Variants in NFAT5 observed in about 807,000 individuals in gnomAD.
NFAT5 encodes the protein nuclear factor of activated T-cells 5.
A neutral mutation model predicts 166.5 loss-of-function variants in NFAT5; 31 were observed. The ratio of observed to expected loss-of-function variants is 0.19; its 90% CI spans 0.14 to 0.25. The LOEUF (loss-of-function observed/expected upper bound fraction) is 0.25. NFAT5 is among the 10% of genes least tolerant of loss of function. The probability of loss-of-function intolerance (pLI) is 1.00; values close to 1 mark genes in which losing one functional copy is unlikely to be tolerated. For missense variants in NFAT5, 1,449 were observed against 1,821.8 expected (o/e 0.80, Z 3.72); for synonymous variants, 612 against 639.7 (o/e 0.96, Z 0.65).
At chr16:69,653,212 C>G (rs755027270) in intron 4 of NFAT5, 24 bp from the exon 5 acceptor site, 3 of 1,488,466 alleles carry the variant, frequency 2.0e-6, no homozygotes, top group Non-Finnish European at 2.7e-6. Context: ...GATACTTTCT[C>G]CATGTTGTGC....
chr16:69,583,824 T>C (rs2031858411), intron 2 of NFAT5, among the ~76,000 whole-genome samples: 1 of 152,176 alleles, frequency 6.6e-6, no homozygotes, highest in African/African-American at 2.4e-5. Context: ...GGAAGGGTTT[T>C]GGAAGTTTGA....
chr16:69,638,906 T>C (rs2035087380), intron 3 of NFAT5, among the ~76,000 whole-genome samples: 1 of 152,194 alleles, frequency 6.6e-6, no homozygotes. Context: ...ACTCTGTTTT[T>C]ATCTTAAAGT....
At chr16:69,624,526 A>C (rs534224820) in intron 2 of NFAT5, among the ~76,000 whole-genome samples, 1 of 152,174 alleles carries the variant, frequency 6.6e-6, no homozygotes, top group Non-Finnish European at 1.5e-5. Context: ...ATTTTTCAAA[A>C]GAAACTTTTA....
At chr16:69,570,960 C>T (rs11641871) in intron 2 of NFAT5, among the ~76,000 whole-genome samples, 80 of 151,992 alleles carry the variant, frequency 5.3e-4, no homozygotes, top group Non-Finnish European at 8.7e-4. Context: ...ATGCTAAGTG[C>T]TCAGTAAATG....
rs576844039 is a variant in NFAT5, at chr16:69,696,509, C to T, written c.*158C>T. 6.5e-6 allele frequency: 1 copy of T among 152,736 alleles called. No individual in the cohort carries two copies. Among genetic ancestry groups the T allele is most frequent in the Admixed American group, 6.5e-5 (1 of 15,302 alleles). The allele number at this position is 152,736 out of a possible 1,614,324, so 9.5% of individuals were successfully genotyped here. On this transcript the variant is annotated 3_prime_UTR_variant, in exon 15 of 15. Transcript: ENST00000349945. ...CTGACTGCAAAAGAGCACACCTATG[C>T]TGCTTGTTGCAGTAACTAACCACCA...
intron 2 of NFAT5, among the ~76,000 whole-genome samples, chr16:69,608,691 T>C (rs1247588400): frequency 1.3e-5 from 2 of 151,996 alleles, no homozygotes; most frequent in African/African-American, 4.8e-5. Context: ...TTCTGCTCAC[T>C]GCAAGCTCTG....
Position 69,566,113 on chromosome 16 carries a change from C to T in NFAT5, c.-189C>T, listed in dbSNP as rs1186581284. 1.7e-6 allele frequency: 1 copy of T among 575,364 alleles called. No homozygotes were observed. Among genetic ancestry groups the T allele is most frequent in the Non-Finnish European group, 3.0e-6 (1 of 331,194 alleles). 35.6% of individuals were successfully genotyped at this position (575,364 alleles called of 1,614,324 possible). On this transcript the variant is annotated 5_prime_UTR_variant, in exon 1 of 15. Coordinates refer to ENST00000349945, the MANE Select transcript of NFAT5 (RefSeq NM_138713.4). The surrounding 1 kb of genome is among the most constrained non-coding windows in gnomAD (Gnocchi z 5.7). ...CGAGAATCAGTCCCCGTGGAGTTCC[C>T]CCTCCACCTCGCCATCGTTTCCTCG...
chr16:69,573,045 G>A (rs1172175313), intron 2 of NFAT5, among the ~76,000 whole-genome samples: 2 of 152,156 alleles, frequency 1.3e-5, no homozygotes, highest in African/African-American at 4.8e-5. Flanking sequence ...GTTTCACCAT[G>A]TTGGCCAGGG....
chr16:69,669,031 A>T (rs2036518360), intron 7 of NFAT5, among the ~76,000 whole-genome samples: 1 of 152,084 alleles, frequency 6.6e-6, no homozygotes, highest in Non-Finnish European at 1.5e-5. Flanking sequence ...GTAGCTGGGA[A>T]TTGCATGTGC....
intron 2 of NFAT5, among the ~76,000 whole-genome samples, chr16:69,590,597 A>T (rs1304014348): frequency 6.6e-6 from 1 of 152,198 alleles, no homozygotes; most frequent in South Asian, 2.1e-4. Flanking sequence ...AAACCAAATC[A>T]TGTTTTAAAT....
At chr16:69,641,277 C>CAAAAA (rs60281310) in intron 3 of NFAT5, among the ~76,000 whole-genome samples, 3 of 72,868 alleles carry the variant, frequency 4.1e-5, no homozygotes, top group Admixed American at 1.6e-4. Context: ...GACTCCGTCT[C>CAAAAA]AAAAAAAAAA....
At chr16:69,577,959 C>G (rs1049280345) in intron 2 of NFAT5, among the ~76,000 whole-genome samples, 2 of 151,904 alleles carry the variant, frequency 1.3e-5, no homozygotes, top group African/African-American at 4.8e-5. Flanking sequence ...TGCCACTGCC[C>G]TCCAGCCTGG....
At chr16:69,583,835 G>C (rs2031859160) in intron 2 of NFAT5, among the ~76,000 whole-genome samples, 1 of 152,146 alleles carries the variant, frequency 6.6e-6, no homozygotes. Flanking sequence ...GGAAGTTTGA[G>C]GATTGTGCTC....
At chr16:69,638,071 T>C (rs901979975) in intron 3 of NFAT5, among the ~76,000 whole-genome samples, 2 of 151,918 alleles carry the variant, frequency 1.3e-5, no homozygotes, top group Admixed American at 6.6e-5. Context: ...ATACAAAAAT[T>C]ATCTGGGCAT....
chr16:69,617,438 G>T (rs2034004890), intron 2 of NFAT5, among the ~76,000 whole-genome samples: 2 of 151,766 alleles, frequency 1.3e-5, no homozygotes, highest in East Asian at 3.9e-4. Context: ...TTAGGTGACT[G>T]GTATATTCCA....
chr16:69,623,584 T>C (rs1004645375), intron 2 of NFAT5, among the ~76,000 whole-genome samples: 2 of 151,930 alleles, frequency 1.3e-5, no homozygotes, highest in African/African-American at 4.8e-5. Flanking sequence ...CTTGGCTCAC[T>C]GCAGCCTCCG....
chr16:69,669,408 G>A (rs2036535094), intron 7 of NFAT5, among the ~76,000 whole-genome samples: 1 of 152,136 alleles, frequency 6.6e-6, no homozygotes, highest in Admixed American at 6.5e-5. Context: ...AGCTGGGCGT[G>A]GTAGTGTGCA....
At chr16:69,684,827 A>C in intron 10 of NFAT5, 60 bp from the exon 11 acceptor site, 1 of 1,082,842 alleles carries the variant, frequency 9.2e-7, no homozygotes, top group Non-Finnish European at 1.3e-6. Flanking sequence ...AAAGAATTTA[A>C]GATACGAGGT....
intron 9 of NFAT5, among the ~76,000 whole-genome samples, chr16:69,673,274 A>G (rs1282701981): frequency 1.3e-5 from 2 of 152,118 alleles, no homozygotes; most frequent in East Asian, 1.9e-4. Context: ...GTTCATTTTT[A>G]TCTTTTTCAG....
Sources: gnomAD v4.1 joint callset for allele counts (sites outside exome capture counted in the v4.1 genomes callset) on GRCh38, gnomAD v4.1.1 for gene constraint, Gnocchi (gnomAD v3.1) non-coding constraint, MANE v1.5 for transcripts, NCBI Gene and HGNC (gene_info 2026-07-23, HGNC 2026-07-21) for gene names.